ARHGEF10L: variants seen among roughly 807,000 people sequenced by gnomAD.
ARHGEF10L encodes rho guanine nucleotide exchange factor 10-like protein.
A neutral mutation model predicts 141.2 loss-of-function variants in ARHGEF10L; 69 were observed. That is an observed-to-expected ratio of 0.49 (90% CI 0.40 to 0.60). The LOEUF is 0.60. Among genes scored for constraint, ARHGEF10L ranks in the 20% least tolerant of loss-of-function variants. ARHGEF10L has a pLI of 0.00. For missense variants in ARHGEF10L, 1,482 were observed against 1,734.3 expected (o/e 0.85, Z 2.58); for synonymous variants, 711 against 718.5 (o/e 0.99, Z 0.17).
At chr1:17,675,909 T>C (rs1408160079) in intron 26 of ARHGEF10L, among the ~76,000 whole-genome samples, 1 of 144,480 alleles carries the variant, frequency 6.9e-6, no homozygotes, top group Non-Finnish European at 1.5e-5. Flanking sequence ...AAGGTTTGTG[T>C]GCAAGTGTGG....
chr1:17,572,586 C>A (rs1248900626), intron 1 of ARHGEF10L, among the ~76,000 whole-genome samples: 1 of 152,198 alleles, frequency 6.6e-6, no homozygotes, highest in African/African-American at 2.4e-5. Flanking sequence ...CACGCCTGAT[C>A]CCCTAGCCCC....
In ARHGEF10L at chr1:17,551,541, T is replaced by TG. The variant is rs2077112752; in HGVS notation, c.-44+11594dup. Among the ~76,000 whole-genome samples, 3 of 152,228 alleles carry TG rather than the reference T, an allele frequency of 2.0e-5. No homozygotes were observed. In the South Asian group the frequency reaches 6.2e-4, roughly 32 times the overall value. On this transcript the variant is annotated intron_variant, in intron 1 of 28. Coordinates refer to ENST00000361221, the MANE Select transcript of ARHGEF10L (RefSeq NM_018125.4). ...TACTAGGGGCTTGTACTTTATCTTG[T>TG]GGGCCCTGCGAGCCAGTCAACTGTT...
chr1:17,584,699 C>T (rs574179536), intron 2 of ARHGEF10L, among the ~76,000 whole-genome samples: 24 of 152,284 alleles, frequency 1.6e-4, no homozygotes, highest in Admixed American at 3.9e-4. Context: ...AGAAGATACT[C>T]GAAGGAAGAA....
At position 17,558,116 on chromosome 1, in the gene ARHGEF10L, TC is replaced by T. The variant is rs1205453929; in HGVS notation, c.-44+18168del. Among the ~76,000 whole-genome samples, 6 of 151,920 alleles carry T rather than the reference TC, an allele frequency of 3.9e-5. No homozygotes were observed. Among genetic ancestry groups the T allele is most frequent in the Non-Finnish European group, 8.8e-5 (6 of 67,982 alleles). Reference sequence around the variant, plus strand: ...TGTCTACCCGTTTGTCCATTGTCCATCCATCCATCCATTCACTCATCCATTC... The same window carrying T: ...TGTCTACCCGTTTGTCCATTGTCCATCATCCATCCATTCACTCATCCATTC... On this transcript the variant is annotated intron_variant, in intron 1 of 28. Transcript: ENST00000361221. The surrounding 1 kb of genome is among the most constrained non-coding windows in gnomAD (Gnocchi z 4.2).
intron 4 of ARHGEF10L, among the ~76,000 whole-genome samples, chr1:17,598,034 A>G (rs1348893223): frequency 6.6e-6 from 1 of 151,824 alleles, no homozygotes. Context: ...TCTCTTGGAC[A>G]GTGTCTGAGT....
Position 17,627,928 on chromosome 1 carries a change from C to T in ARHGEF10L, c.1584+425C>T, listed in dbSNP as rs551509080. ...AGCACCGGAGCCCTAGGGCTGCTGC[C>T]GCAAAAGAGGGAGCTGGCAAAGTGG... On this transcript the variant is annotated intron_variant, in intron 15 of 28. Transcript: ENST00000361221. This position sits in a 1 kb window ranked among gnomAD's most constrained non-coding sequence, Gnocchi z 4.0. Among the ~76,000 whole-genome samples the T allele has an allele frequency of 3.3e-5, 5 of 151,988 alleles. No homozygotes were observed. Among genetic ancestry groups the T allele is most frequent in the South Asian group, 4.2e-4 (2 of 4,802 alleles).
At chr1:17,533,449 C>T in the ARHGEF10L span, among the ~76,000 whole-genome samples, 2 of 152,242 alleles carry the variant, frequency 1.3e-5, no homozygotes, top group African/African-American at 4.8e-5. Flanking sequence ...AGATTATAAG[C>T]GTGAGCCACT....
intron 1 of ARHGEF10L, among the ~76,000 whole-genome samples, chr1:17,568,839 A>G (rs916386469): frequency 1.3e-5 from 2 of 152,154 alleles, no homozygotes; most frequent in Non-Finnish European, 2.9e-5. Flanking sequence ...AACTCAGGAC[A>G]ACAGGACTCA....
Position 17,539,934 on chromosome 1 carries a change from G to A in ARHGEF10L, c.-60G>A, listed in dbSNP as rs1470630167. On this transcript the variant is annotated 5_prime_UTR_variant, in exon 1 of 29. Transcript: ENST00000361221. This position sits in a 1 kb window ranked among gnomAD's most constrained non-coding sequence, Gnocchi z 6.0. ...TGAGCGGCGCGGACGACAAAGGCGCGGGCCCGGGCAGCCGAGGTGGGTGAG... is the reference window on the plus strand; with the variant it reads ...TGAGCGGCGCGGACGACAAAGGCGCAGGCCCGGGCAGCCGAGGTGGGTGAG... 1.3e-5 allele frequency: 2 copies of A among 151,514 alleles called. No homozygotes were observed. The highest frequency in any genetic ancestry group is 2.0e-4 in the East Asian group (1 of 5,118). 9.4% of individuals were successfully genotyped at this position (151,514 alleles called of 1,614,324 possible).
intron 26 of ARHGEF10L, among the ~76,000 whole-genome samples, chr1:17,679,788 A>G (rs1165714866): frequency 6.6e-6 from 1 of 151,978 alleles, no homozygotes; most frequent in Admixed American, 6.5e-5. Flanking sequence ...CTTGTGCCCT[A>G]GCTATGGGAT....
upstream of ARHGEF10L, among the ~76,000 whole-genome samples, chr1:17,537,616 C>A (rs2076593624): frequency 6.6e-6 from 1 of 152,088 alleles, no homozygotes; most frequent in Non-Finnish European, 1.5e-5. Context: ...AGATTCTGGG[C>A]CTTGTGTTGG....
rs1570571190 is a variant in ARHGEF10L, at chr1:17,577,537, T to C, written c.-43-3016T>C. On this transcript the variant is annotated intron_variant, in intron 1 of 28. Transcript: ENST00000361221. ...GCTGTGAGCCATCCCCACTCCCTTG[T>C]CCACATCCTTCTGAGACTAACAGCC... Among the ~76,000 whole-genome samples, 5 of 152,328 alleles carry C rather than the reference T, an allele frequency of 3.3e-5. 1 individual carries two copies. In the South Asian group the frequency reaches 1.0e-3, roughly 32 times the overall value.
At chr1:17,569,533 G>T (rs2077901632) in intron 1 of ARHGEF10L, among the ~76,000 whole-genome samples, 1 of 152,170 alleles carries the variant, frequency 6.6e-6, no homozygotes, top group South Asian at 2.1e-4. Context: ...TTCCTGCCCA[G>T]AGCTCCCTCG....
intron 26 of ARHGEF10L, among the ~76,000 whole-genome samples, chr1:17,666,720 G>C (rs898157306): frequency 5.3e-5 from 8 of 150,994 alleles, no homozygotes; most frequent in Non-Finnish European, 1.0e-4. Flanking sequence ...GGGCTTCCCT[G>C]CTATCCCCCC....
chr1:17,560,176 C>T (rs886878377), intron 1 of ARHGEF10L, among the ~76,000 whole-genome samples: 3 of 152,096 alleles, frequency 2.0e-5, no homozygotes, highest in East Asian at 1.9e-4. Flanking sequence ...GTACTGAATT[C>T]GCACCACTGT....
chr1:17,602,557 T>C lies in ARHGEF10L; in HGVS notation c.349+339T>C, dbSNP rs2080793030. Among the ~76,000 whole-genome samples the C allele has an allele frequency of 2.0e-5, 3 of 152,078 alleles. No homozygotes were observed. In the South Asian group the frequency reaches 6.2e-4, roughly 32 times the overall value. ...GGAAGGTGCCTGCCCAGATGAGCCC[T>C]CCAGAAAGAGAGGGAGGCAGCAGGG... On this transcript the variant is annotated intron_variant, in intron 5 of 28. Coordinates refer to ENST00000361221, the MANE Select transcript of ARHGEF10L (RefSeq NM_018125.4).
rs1257856672 is a variant in ARHGEF10L, at chr1:17,587,599, G to A, written c.177G>A (p.Arg59=). The part of the protein sequence containing the change: ...ALGVPSLAPE[R]DTDPPLIHLD... ...GCGTCCCCAGCCTTGCTCCTGAGAGGGACACAGACCCCCCACTGATCCACT... is the reference window on the plus strand; with the variant it reads ...GCGTCCCCAGCCTTGCTCCTGAGAGAGACACAGACCCCCCACTGATCCACT... The change falls in exon 3 of 29, where the codon AGG becomes AGA. Residue 59 remains arginine, a synonymous_variant. Transcript: ENST00000361221. 6.2e-7 allele frequency: 1 copy of A among 1,614,088 alleles called. No homozygotes were observed.
chr1:17,523,147 G>A, the ARHGEF10L span, among the ~76,000 whole-genome samples: 2 of 138,948 alleles, frequency 1.4e-5, no homozygotes, highest in East Asian at 4.3e-4. Flanking sequence ...GTGTAGTGGT[G>A]TGATCTTGGC....
chr1:17,669,781 C>T (rs1361268077), intron 26 of ARHGEF10L, among the ~76,000 whole-genome samples: 3 of 152,240 alleles, frequency 2.0e-5, no homozygotes, highest in Admixed American at 2.0e-4. Flanking sequence ...ATTCCAGGCT[C>T]TCTGTATGAG....
Sources: allele counts gnomAD v4.1 joint callset (sites outside exome capture counted in the v4.1 genomes callset), GRCh38; gene constraint gnomAD v4.1.1; non-coding constraint Gnocchi (gnomAD v3.1); transcripts MANE v1.5; gene names NCBI Gene and HGNC (gene_info 2026-07-23, HGNC 2026-07-21).